Variants in MGAT4B observed in about 807,000 individuals in gnomAD.
MGAT4B encodes the protein N-acetylglucosaminyltransferase IVb.
MGAT4B carries 38 observed loss-of-function variants against 73.9 expected under a neutral mutation model. The observed-to-expected ratio is 0.51, with a 90% CI of 0.40 to 0.67. The LOEUF is 0.67. MGAT4B is among the 30% of genes least tolerant of loss of function. MGAT4B has a pLI of 0.00. For synonymous variants in MGAT4B, 373 were observed against 313.5 expected (o/e 1.19, Z -2.01); for missense variants, 686 against 735.2 (o/e 0.93, Z 0.77).
chr5:179,800,146 G>C (rs111554583), intron 7 of MGAT4B, 38 bp downstream of exon 7: 1 of 1,610,300 alleles, frequency 6.2e-7, no homozygotes, highest in African/African-American at 1.3e-5. Context: ...GCAGGGCGGC[G>C]CAGGGCAGGG....
Position 179,801,839 on chromosome 5 carries a change from T to C in MGAT4B, c.228A>G (p.Ser76=). The change falls in exon 2 of 15, where the codon TCA becomes TCG. Residue 76 remains serine (S), a synonymous_variant. Coordinates refer to ENST00000292591, the MANE Select transcript of MGAT4B (RefSeq NM_014275.5). This position sits in a 1 kb window ranked among gnomAD's most constrained non-coding sequence, Gnocchi z 4.8. ...CTCCGTCTCGCAGCGCCTGCCTTTC[T>C]GACACGGCCCTCTTGATCTCGTCCA... ...LVLDEIKRAV[S]ERQALRDGDG... The C allele has an allele frequency of 6.2e-7, 1 of 1,606,900 alleles. No homozygotes were observed. Among genetic ancestry groups the C allele is most frequent in the Non-Finnish European group, 8.5e-7 (1 of 1,174,620 alleles).
intron 1 of MGAT4B, chr5:179,802,465 G>A (rs1350049053): frequency 2.9e-6 from 3 of 1,037,644 alleles, no homozygotes; most frequent in Admixed American, 5.0e-5. Context: ...CGATGGCCCC[G>A]GGGGGTGGCT....
intron 1 of MGAT4B, chr5:179,803,417 TG>T: frequency 3.5e-6 from 1 of 288,286 alleles, no homozygotes; most frequent in Non-Finnish European, 5.2e-6. Flanking sequence ...GCTCACCCAT[TG>T]CTGGGTGACA....
rs1017204017 is a variant in MGAT4B at position 179,806,603 on chromosome 5, G to C, written c.-20C>G. 73 of 1,221,992 alleles carry C rather than the reference G, an allele frequency of 6.0e-5. No individual in the cohort carries two copies. The highest frequency in any genetic ancestry group is 4.6e-4 in the Middle Eastern group (2 of 4,302). The allele number at this position is 1,221,992 out of a possible 1,614,324, so 75.7% of individuals were successfully genotyped here. ...CCTCATCTCCTCGGGTGCGCGGCGG[G>C]CGCCCGCGGGGCCGAGGCTGCATGG... On this transcript the variant is annotated 5_prime_UTR_variant, in exon 1 of 15. Transcript: ENST00000292591. The surrounding 1 kb of genome is among the most constrained non-coding windows in gnomAD (Gnocchi z 4.6).
chr5:179,806,642 G>T lies in MGAT4B; in HGVS notation c.-59C>A, dbSNP rs1164730917. The T allele has an allele frequency of 1.0e-6, 1 of 975,708 alleles. No individual in the cohort carries two copies. Among genetic ancestry groups the T allele is most frequent in the Non-Finnish European group, 1.3e-6 (1 of 792,770 alleles). 60.4% of individuals were successfully genotyped at this position (975,708 alleles called of 1,614,324 possible). ...GAGGCTGCATGGCCCGGGGGACCGGGGCCGGGGCGCAGGGGTCGGAAGGCG... is the reference window on the plus strand; with the variant it reads ...GAGGCTGCATGGCCCGGGGGACCGGTGCCGGGGCGCAGGGGTCGGAAGGCG... On this transcript the variant is annotated 5_prime_UTR_variant, in exon 1 of 15. Coordinates refer to ENST00000292591, the MANE Select transcript of MGAT4B (RefSeq NM_014275.5). This position sits in a 1 kb window ranked among gnomAD's most constrained non-coding sequence, Gnocchi z 4.6.
Position 179,806,550 on chromosome 5 carries a change from G to T in MGAT4B, c.34C>A (p.Leu12Met). The part of the protein sequence containing the change: ...RLRNGTFLTL[L>M]LFCLCAFLSL... ...AGGAAGGCGCACAGGCAGAAGAGCA[G>T]CAGCGTCAGGAAGGTGCCATTGCGG... Residue 12 changes from leucine (L) to methionine (M), a missense_variant, in exon 1 of 15, where the codon CTG (leucine) becomes ATG (methionine). Physicochemically the swap from Leu to Met is conservative, Grantham distance 15 (BLOSUM62 2). This residue lies in a region of MGAT4B where 237 missense variants were observed against 198.5 expected (regional missense o/e 1.19). Coordinates refer to ENST00000292591, the MANE Select transcript of MGAT4B (RefSeq NM_014275.5). The surrounding 1 kb of genome is among the most constrained non-coding windows in gnomAD (Gnocchi z 4.6). 1 of 1,325,922 alleles carries T rather than the reference G, an allele frequency of 7.5e-7. No individual in the cohort carries two copies. Among genetic ancestry groups the T allele is most frequent in the Non-Finnish European group, 9.9e-7 (1 of 1,011,878 alleles). 82.1% of individuals were successfully genotyped at this position (1,325,922 alleles called of 1,614,324 possible). A position where few individuals can be genotyped will look rare whatever the true frequency, so the allele number is the denominator to read the frequency against.
At position 179,801,889 on chromosome 5, in the gene MGAT4B, G is replaced by A. The variant is rs755757395; in HGVS notation, c.178C>T (p.Arg60Cys). Residue 60 changes from arginine (R) to cysteine (C), a missense_variant, in exon 2 of 15, where the codon CGC becomes TGC. By Grantham distance (180) the Arg-to-Cys change is radical (BLOSUM62 -3). Coordinates refer to ENST00000292591, the MANE Select transcript of MGAT4B (RefSeq NM_014275.5). This position sits in a 1 kb window ranked among gnomAD's most constrained non-coding sequence, Gnocchi z 4.8. The stretch of plus-strand genomic sequence containing the variant: ...AGCACCAGGTTGAGCTCCTTGGAGC[G>A]CTTGAGGCTCTCCTGCTCAGCTGCG... ...LHAAEQESLK[R>C]SKELNLVLDE... The A allele has an allele frequency of 6.2e-7, 1 of 1,613,046 alleles. No individual in the cohort carries two copies. The highest frequency in any genetic ancestry group is 2.2e-5 in the East Asian group (1 of 44,860).
chr5:179,802,743 C>G (rs926204683), intron 1 of MGAT4B: 1 of 985,358 alleles, frequency 1.0e-6, no homozygotes. Flanking sequence ...TGGGGCTGCC[C>G]GACAGTAGAG....
intron 9 of MGAT4B, 39 bp from the exon 10 acceptor site, chr5:179,799,349 C>G (rs752640190): frequency 6.2e-7 from 1 of 1,608,390 alleles, no homozygotes; most frequent in African/African-American, 1.3e-5. Context: ...TCGGCTTAGC[C>G]CTCCTTCCTC....
chr5:179,802,273 A>C lies in MGAT4B; in HGVS notation c.98-304T>G, dbSNP rs1756980391. On this transcript the variant is annotated intron_variant, in intron 1 of 14. Transcript: ENST00000292591. ...TTCCAGACCTAGGTAGGTGGATCCT[A>C]AGCAAGGGCTGGAACAGCCTCAGAC... 2.8e-6 allele frequency: 4 copies of C among 1,415,482 alleles called. No homozygotes were observed. The Admixed American group carries it at 9.5e-5, about 34-fold the overall frequency. 87.7% of individuals were successfully genotyped at this position (1,415,482 alleles called of 1,614,324 possible). A position where few individuals can be genotyped will look rare whatever the true frequency, so the allele number is the denominator to read the frequency against.
chr5:179,802,636 AC>A, intron 1 of MGAT4B: 1 of 987,320 alleles, frequency 1.0e-6, no homozygotes, highest in Non-Finnish European at 1.2e-6. Context: ...CGCCTGGGGC[AC>A]CCTGAAGGGT....
At position 179,806,760 on chromosome 5, in the gene MGAT4B, C is replaced by A. The variant is rs1368773860; in HGVS notation, c.-177G>T. The A allele has an allele frequency of 6.7e-6, 1 of 149,836 alleles. No individual in the cohort carries two copies. Among genetic ancestry groups the A allele is most frequent in the African/African-American group, 2.4e-5 (1 of 41,008 alleles). 9.3% of individuals were successfully genotyped at this position (149,836 alleles called of 1,614,324 possible). On this transcript the variant is annotated 5_prime_UTR_variant, in exon 1 of 15. Transcript: ENST00000292591. The surrounding 1 kb of genome is among the most constrained non-coding windows in gnomAD (Gnocchi z 4.6). ...ACCGGGCCAGGGAGCGCGCCGGCCG[C>A]CCCTCAGGGCGCAAGCTTTGTGCCC... is the stretch of plus-strand genomic sequence containing the variant.
chr5:179,798,672 C>T, intron 11 of MGAT4B, 81 bp from the exon 12 acceptor site: 1 of 1,502,182 alleles, frequency 6.7e-7, no homozygotes, highest in Non-Finnish European at 9.2e-7. Flanking sequence ...AAAGGCCAGG[C>T]CTGCGCCAGG....
In MGAT4B at chr5:179,797,837, G is replaced by C. The variant is rs1041910587; in HGVS notation, c.*208C>G. The C allele has an allele frequency of 7.3e-5, 46 of 629,860 alleles. No individual in the cohort carries two copies. Among genetic ancestry groups the C allele is most frequent in the Non-Finnish European group, 1.2e-4 (44 of 380,630 alleles). The allele number at this position is 629,860 out of a possible 1,614,324, so 39.0% of individuals were successfully genotyped here. On this transcript the variant is annotated 3_prime_UTR_variant, in exon 15 of 15. Coordinates refer to ENST00000292591, the MANE Select transcript of MGAT4B (RefSeq NM_014275.5). ...GGGCCTCAGGCACAGTGTGGGGGCC[G>C]CCTGCCTCCTCCGCGGCCCGGCGGG...
chr5:179,801,307 C>A lies in MGAT4B; in HGVS notation c.558+27G>T. ...ACCGCGGGGGCTCCTCTGAATGTCC[C>A]CCAACCCCGCGTCCCGGCTCACTCG... On this transcript the variant is annotated intron_variant, in intron 4 of 14. Coordinates refer to ENST00000292591, the MANE Select transcript of MGAT4B (RefSeq NM_014275.5). The surrounding 1 kb of genome is among the most constrained non-coding windows in gnomAD (Gnocchi z 4.8). The A allele has an allele frequency of 6.3e-7, 1 of 1,595,210 alleles. No individual in the cohort carries two copies. The highest frequency in any genetic ancestry group is 8.6e-7 in the Non-Finnish European group (1 of 1,168,408).
At chr5:179,803,185 T>C (rs771923552) in intron 1 of MGAT4B, 41 of 985,212 alleles carry the variant, frequency 4.2e-5, no homozygotes, top group Non-Finnish European at 4.7e-5. Context: ...GGGAGCCAGG[T>C]AGATCTTCCC....
chr5:179,801,041 G>GC lies in MGAT4B; in HGVS notation c.559-89dup, dbSNP rs901437864. 45 of 1,497,974 alleles carry GC rather than the reference G, an allele frequency of 3.0e-5. No individual in the cohort carries two copies. Among genetic ancestry groups the GC allele is most frequent in the Non-Finnish European group, 3.8e-5 (41 of 1,081,532 alleles). 92.8% of individuals were successfully genotyped at this position (1,497,974 alleles called of 1,614,324 possible). A position where few individuals can be genotyped will look rare whatever the true frequency, so the allele number is the denominator to read the frequency against. ...TGGAGAAGGGGCACAGGCTTCAGAT[G>GC]CCCCCCACGTGGAGGGAGTGAGCCT... is the stretch of plus-strand genomic sequence containing the variant. On this transcript the variant is annotated intron_variant, in intron 4 of 14. Coordinates refer to ENST00000292591, the MANE Select transcript of MGAT4B (RefSeq NM_014275.5). The surrounding 1 kb of genome is among the most constrained non-coding windows in gnomAD (Gnocchi z 4.8).
In MGAT4B at chr5:179,799,247, C is replaced by A. The variant is rs1239090326; in HGVS notation, c.1105G>T (p.Val369Leu). Residue 369 changes from valine to leucine, a missense_variant, in exon 10 of 15, where the codon GTG becomes TTG. Val to Leu is a conservative substitution (Grantham distance 32). Coordinates refer to ENST00000292591, the MANE Select transcript of MGAT4B (RefSeq NM_014275.5). ...IRFKPSLFQH[V>L]GTHSSLAGKI... ...CCAGCCAGCGAGGAGTGAGTGCCCA[C>A]GTGCTGGAAGAGGGACGGTTTGAAG... 3 of 1,614,022 alleles carry A rather than the reference C, an allele frequency of 1.9e-6. No homozygotes were observed. The highest frequency in any genetic ancestry group is 1.1e-5 in the South Asian group (1 of 91,086).
chr5:179,805,471 G>A (rs1757109240), intron 1 of MGAT4B: 2 of 152,432 alleles, frequency 1.3e-5, no homozygotes, highest in Admixed American at 1.3e-4. Context: ...GTCCCTGGGT[G>A]ATGCCTCTCT....
Sources: gnomAD v4.1 joint callset for allele counts on GRCh38, gnomAD v4.1.1 for gene constraint, gnomAD v4.1.1 regional missense constraint, Gnocchi (gnomAD v3.1) non-coding constraint, MANE v1.5 for transcripts, NCBI Gene and HGNC (gene_info 2026-07-23, HGNC 2026-07-21) for gene names.